The following SPMIP2 variants were observed in gnomAD, a reference collection of about 807,000 sequenced individuals.
The protein encoded by SPMIP2 is sperm microtubule inner protein 2.
chr4:159,055,094 T>C, the SPMIP2 span, among the ~76,000 whole-genome samples: 19 of 152,162 alleles, frequency 1.2e-4, no homozygotes, highest in Non-Finnish European at 2.5e-4. Flanking sequence ...GTCAAAGCTT[T>C]TGGATGCTTT....
At chr4:159,054,780 A>T in the SPMIP2 span, among the ~76,000 whole-genome samples, 2 of 152,056 alleles carry the variant, frequency 1.3e-5, no homozygotes, top group East Asian at 3.8e-4. Context: ...CAGCTGCTCA[A>T]TGCACTATCT....
chr4:158,893,599 G>T, the SPMIP2 span: 4 of 1,019,562 alleles, frequency 3.9e-6, no homozygotes, highest in Non-Finnish European at 5.9e-6. Context: ...CTGTCCTGGG[G>T]CAATATGAGA....
At chr4:158,968,874 G>A in the SPMIP2 span, among the ~76,000 whole-genome samples, 98,337 of 152,068 alleles carry the variant, frequency 0.65, 31,997 homozygotes, top group Middle Eastern at 0.71. Flanking sequence ...CCATAAAACC[G>A]TCACAAAGAA....
the SPMIP2 span, among the ~76,000 whole-genome samples, chr4:158,976,659 ATTT>A: frequency 2.3e-3 from 215 of 94,710 alleles, no homozygotes; most frequent in African/African-American, 9.7e-3. Flanking sequence ...ATGGATAAGC[ATTT>A]TTTTTTTTTT....
the SPMIP2 span, among the ~76,000 whole-genome samples, chr4:158,923,744 A>G: frequency 6.6e-6 from 1 of 152,180 alleles, no homozygotes; most frequent in Non-Finnish European, 1.5e-5. Context: ...TACCTATCAC[A>G]AGGTTGAATA....
At chr4:158,935,202 C>T in the SPMIP2 span, among the ~76,000 whole-genome samples, 1 of 152,198 alleles carries the variant, frequency 6.6e-6, no homozygotes, top group African/African-American at 2.4e-5. Flanking sequence ...ATGGTTCACC[C>T]TTCCATGCTT....
chr4:159,005,558 G>A, the SPMIP2 span, among the ~76,000 whole-genome samples: 1 of 152,122 alleles, frequency 6.6e-6, no homozygotes, highest in Non-Finnish European at 1.5e-5. Context: ...TGTACTTTCC[G>A]ATGGAGCAGC....
chr4:158,894,186 T>TG, the SPMIP2 span, among the ~76,000 whole-genome samples: 1 of 151,492 alleles, frequency 6.6e-6, no homozygotes, highest in African/African-American at 2.4e-5. Flanking sequence ...TTTTTTTTTT[T>TG]TTGAGACAGA....
chr4:158,999,116 G>A, the SPMIP2 span, among the ~76,000 whole-genome samples: 1 of 151,358 alleles, frequency 6.6e-6, no homozygotes, highest in African/African-American at 2.4e-5. Context: ...AGGCTGCAGT[G>A]AGCCAAGATC....
At chr4:158,922,833 C>A in the SPMIP2 span, among the ~76,000 whole-genome samples, 1 of 152,156 alleles carries the variant, frequency 6.6e-6, no homozygotes, top group Non-Finnish European at 1.5e-5. Flanking sequence ...TGGAATCATA[C>A]AAAATGTGGC....
At chr4:158,931,905 C>T in the SPMIP2 span, among the ~76,000 whole-genome samples, 1 of 151,788 alleles carries the variant, frequency 6.6e-6, no homozygotes, top group African/African-American at 2.4e-5. Flanking sequence ...TTATTGATAC[C>T]CTCTGCTTGA....
the SPMIP2 span, among the ~76,000 whole-genome samples, chr4:159,046,979 CG>C: frequency 1.9e-4 from 29 of 152,226 alleles, no homozygotes; most frequent in East Asian, 5.6e-3. Context: ...TGTGGTAAGG[CG>C]GGGTTGATGG....
chr4:158,968,452 T>TA, the SPMIP2 span, among the ~76,000 whole-genome samples: 1,600 of 152,330 alleles, frequency 0.011, 16 homozygotes, highest in Middle Eastern at 0.048. Flanking sequence ...ATAAAGCAAG[T>TA]AGGTTTGACC....
At chr4:158,919,808 C>T in the SPMIP2 span, among the ~76,000 whole-genome samples, 4 of 152,178 alleles carry the variant, frequency 2.6e-5, no homozygotes, top group African/African-American at 9.7e-5. Context: ...CTAGCAGTAG[C>T]CCCTTCAATC....
At chr4:159,062,775 G>A in the SPMIP2 span, among the ~76,000 whole-genome samples, 6,089 of 143,984 alleles carry the variant, frequency 0.042, 180 homozygotes, top group Non-Finnish European at 0.062. Context: ...TACAACCTCC[G>A]CCTTCCAGGC....
chr4:159,068,827 A>G, the SPMIP2 span, among the ~76,000 whole-genome samples: 1 of 152,184 alleles, frequency 6.6e-6, no homozygotes, highest in South Asian at 2.1e-4. Context: ...CCAAAAAGAC[A>G]TATTATTTAC....
chr4:159,013,715 G>T, the SPMIP2 span, among the ~76,000 whole-genome samples: 1 of 151,356 alleles, frequency 6.6e-6, no homozygotes, highest in Non-Finnish European at 1.5e-5. Context: ...ATGAATTGGG[G>T]GGTGGGGATA....
At chr4:158,897,070 C>T in the SPMIP2 span, among the ~76,000 whole-genome samples, 3 of 151,804 alleles carry the variant, frequency 2.0e-5, no homozygotes, top group South Asian at 4.2e-4. Context: ...TCAACTCCCA[C>T]GTATGAGGGA....
At chr4:158,982,292 A>G in the SPMIP2 span, among the ~76,000 whole-genome samples, 1 of 152,182 alleles carries the variant, frequency 6.6e-6, no homozygotes. Flanking sequence ...CTAACACCCC[A>G]CCATTAATAT....
Sources: gnomAD v4.1 joint callset for allele counts (sites outside exome capture counted in the v4.1 genomes callset) on GRCh38, gnomAD v4.1.1 for gene constraint, MANE v1.5 for transcripts, NCBI Gene and HGNC (gene_info 2026-07-23, HGNC 2026-07-21) for gene names.